Variants in RASA3 observed in about 807,000 individuals in gnomAD.
RASA3 encodes RAS p21 protein activator 3.
A neutral mutation model predicts 110.0 loss-of-function variants in RASA3; 73 were observed. The observed-to-expected ratio is 0.66, with a 90% confidence interval of 0.55 to 0.81. RASA3 has a LOEUF of 0.81. Ranked by LOEUF, RASA3 falls within the 30% of genes least tolerant of loss-of-function variation. The pLI is 0.00. For missense variants in RASA3, 976 were observed against 1,113.2 expected, an observed-to-expected ratio of 0.88 and a Z score of 1.75; for synonymous variants, 500 against 451.4, an observed-to-expected ratio of 1.11 and a Z score of -1.37.
intron 3 of RASA3, among the ~76,000 whole-genome samples, chr13:114,047,304 C>T (rs1012110807): frequency 9.2e-5 from 14 of 152,302 alleles, no homozygotes; most frequent in Non-Finnish European, 2.1e-4. Flanking sequence ...AAAAGGTCCT[C>T]GACGCCACTC....
At chr13:114,032,554 C>A (rs2054188845) in intron 4 of RASA3, among the ~76,000 whole-genome samples, 1 of 152,092 alleles carries the variant, frequency 6.6e-6, no homozygotes, top group Non-Finnish European at 1.5e-5. Context: ...CACCCCGAAG[C>A]CCCTGGTCAG....
chr13:114,007,724 A>G, intron 17 of RASA3, 118 bp from the exon 18 acceptor site: 1 of 845,590 alleles, frequency 1.2e-6, no homozygotes, highest in Non-Finnish European at 2.0e-6. Context: ...TGGAGACAGA[A>G]TCTGGGCAAG....
At chr13:114,091,230 T>C (rs1808352805) in intron 1 of RASA3, among the ~76,000 whole-genome samples, 1 of 152,012 alleles carries the variant, frequency 6.6e-6, no homozygotes, top group Non-Finnish European at 1.5e-5. Context: ...CCCCCTCCAC[T>C]GTCATGTCCC....
intron 14 of RASA3, 135 bp from the exon 15 acceptor site, chr13:114,013,383 C>G (rs9562167): frequency 7.2e-6 from 4 of 554,412 alleles, no homozygotes; most frequent in Non-Finnish European, 1.3e-5. Flanking sequence ...GTGTCTGTCT[C>G]TCTCCCTCTC....
chr13:114,016,132 G>A (rs918171793), intron 13 of RASA3, 65 bp downstream of exon 13: 11 of 1,407,884 alleles, frequency 7.8e-6, no homozygotes, highest in African/African-American at 1.4e-5. Context: ...GAGCTTCCAG[G>A]CAGCCATCGG....
chr13:114,007,470 T>G, intron 18 of RASA3, 63 bp downstream of exon 18: 1 of 882,974 alleles, frequency 1.1e-6, no homozygotes, highest in Non-Finnish European at 1.7e-6. Flanking sequence ...CCTCCTGCCC[T>G]GCTGGACACC....
At chr13:114,081,129 A>AG (rs2079782764) in intron 1 of RASA3, among the ~76,000 whole-genome samples, 1 of 133,166 alleles carries the variant, frequency 7.5e-6, no homozygotes, top group East Asian at 2.4e-4. Context: ...CGTCCACCCA[A>AG]AACGCAACAG....
At chr13:114,053,990 G>T (rs1363389891) in intron 2 of RASA3, among the ~76,000 whole-genome samples, 1 of 152,106 alleles carries the variant, frequency 6.6e-6, no homozygotes, top group African/African-American at 2.4e-5. Flanking sequence ...GCAGGGCATG[G>T]TGGTGGGCGC....
chr13:114,023,471 C>T lies in RASA3; in HGVS notation c.680+808G>A, dbSNP rs113953709. On this transcript the variant is annotated intron_variant, in intron 8 of 23. Coordinates refer to ENST00000334062, the MANE Select transcript of RASA3 (RefSeq NM_007368.4). The stretch of plus-strand genomic sequence containing the variant: ...TTCAGGGGAGGCTCATCTGCCTCTT[C>T]ATAGGGAATGGAGGCATTCGTTGGT... Among the ~76,000 whole-genome samples, 629 of 152,298 alleles carry T rather than the reference C, an allele frequency of 4.1e-3. 5 individuals are homozygous for T. The highest frequency in any genetic ancestry group is 0.014 in the African/African-American group (565 of 41,564).
At chr13:113,981,610 AC>A in intron 23 of RASA3, 64 bp downstream of exon 23, 1 of 1,439,478 alleles carries the variant, frequency 6.9e-7, no homozygotes, top group Non-Finnish European at 9.6e-7. Context: ...CTGCAGCCCC[AC>A]CCCCACTGCA....
chr13:114,018,736 C>A (rs1212044795), intron 10 of RASA3, 27 bp downstream of exon 10: 2 of 1,609,858 alleles, frequency 1.2e-6, no homozygotes, highest in Non-Finnish European at 1.7e-6. Flanking sequence ...CCTGCCCACA[C>A]CCACAGGCCA....
intron 1 of RASA3, among the ~76,000 whole-genome samples, chr13:114,132,094 A>AACACGCGGGGC (rs1358561284): frequency 6.6e-6 from 1 of 152,236 alleles, no homozygotes; most frequent in African/African-American, 2.4e-5. Flanking sequence ...CACTCCTGCA[A>AACACGCGGGGC]ACACGCGGGG....
intron 7 of RASA3, among the ~76,000 whole-genome samples, chr13:114,025,595 T>C (rs2054011617): frequency 6.6e-6 from 1 of 152,296 alleles, no homozygotes; most frequent in Non-Finnish European, 1.5e-5. Flanking sequence ...TGGACTCCTC[T>C]GTTTTCTGCC....
intron 7 of RASA3, among the ~76,000 whole-genome samples, chr13:114,025,912 G>A (rs1415321602): frequency 6.6e-6 from 1 of 152,200 alleles, no homozygotes; most frequent in Non-Finnish European, 1.5e-5. Context: ...GAAAGAGACA[G>A]AGTCCTGGTG....
rs2079950889 is a variant in RASA3 at position 114,096,823 on chromosome 13, T to C, written c.56-22986A>G. On this transcript the variant is annotated intron_variant, in intron 1 of 23. Transcript: ENST00000334062. This position sits in a 1 kb window ranked among gnomAD's most constrained non-coding sequence, Gnocchi z 5.1. ...AGCCCCTACAAGCAACGTCCGTCTGTGTCCAGGCCGATCTCGCTGCTCCCT... is the reference window on the plus strand; with the variant it reads ...AGCCCCTACAAGCAACGTCCGTCTGCGTCCAGGCCGATCTCGCTGCTCCCT... Among the ~76,000 whole-genome samples, 1 of 152,170 alleles carries C rather than the reference T, an allele frequency of 6.6e-6. No individual in the cohort carries two copies. The highest frequency in any genetic ancestry group is 1.5e-5 in the Non-Finnish European group (1 of 68,032).
intron 7 of RASA3, 84 bp downstream of exon 7, chr13:114,027,305 T>G: frequency 6.1e-5 from 71 of 1,167,080 alleles, no homozygotes; most frequent in Non-Finnish European, 7.5e-5. Flanking sequence ...GGGAAGAGAC[T>G]GAGATCATTC....
chr13:113,980,143 CCA>C (rs1331017262), intron 23 of RASA3, among the ~76,000 whole-genome samples: 18 of 144,544 alleles, frequency 1.2e-4, no homozygotes, highest in South Asian at 2.2e-4. Flanking sequence ...GTACCTCCTG[CCA>C]CGTGTGTGCA....
chr13:114,132,350 C>T lies in RASA3; in HGVS notation c.55+85G>A, dbSNP rs1452662304. 3 of 1,346,300 alleles carry T rather than the reference C, an allele frequency of 2.2e-6. No individual in the cohort carries two copies. In the East Asian group the frequency reaches 9.3e-5, roughly 42 times the overall value. 83.4% of individuals were successfully genotyped at this position (1,346,300 alleles called of 1,614,324 possible). A position where few individuals can be genotyped will look rare whatever the true frequency, so the allele number is the denominator to read the frequency against. ...AGGGCGTCTCCGCCGGGGTCCCCAG[C>T]AAGGATCTGCGGAGGGGAGGCGGGC... On this transcript the variant is annotated intron_variant, in intron 1 of 23. Transcript: ENST00000334062.
chr13:114,101,797 G>C (rs1354108779), intron 1 of RASA3, among the ~76,000 whole-genome samples: 1 of 152,184 alleles, frequency 6.6e-6, no homozygotes, highest in Non-Finnish European at 1.5e-5. Context: ...GAAGTCACCT[G>C]CTGGATTCCA....
Sources: allele counts gnomAD v4.1 joint callset (sites outside exome capture counted in the v4.1 genomes callset), GRCh38; gene constraint gnomAD v4.1.1; non-coding constraint Gnocchi (gnomAD v3.1); transcripts MANE v1.5; gene names NCBI Gene and HGNC (gene_info 2026-07-23, HGNC 2026-07-21).